The following WNT3 variants were observed in gnomAD, a reference collection of about 807,000 sequenced individuals.
The protein encoded by WNT3 is Wnt family member 3.
A neutral mutation model predicts 34.2 loss-of-function variants in WNT3; 7 were observed. The ratio of observed to expected loss-of-function variants is 0.20; its 90% CI spans 0.12 to 0.38. The LOEUF (loss-of-function observed/expected upper bound fraction) is 0.38. WNT3 is among the 10% of genes least tolerant of loss of function. WNT3 has a pLI of 1.00. For synonymous variants in WNT3, 212 were observed against 211.5 expected, an observed-to-expected ratio of 1.00 and a Z score of -0.02; for missense variants, 267 against 499.8, an observed-to-expected ratio of 0.53 and a Z score of 4.44.
chr17:46,769,351 G>A (rs1253615755), intron 3 of WNT3, among the ~76,000 whole-genome samples: 6 of 151,334 alleles, frequency 4.0e-5, no homozygotes, highest in Non-Finnish European at 7.4e-5. Flanking sequence ...AAAGAAAAAA[G>A]AAATAGGAGT....
intron 1 of WNT3, among the ~76,000 whole-genome samples, chr17:46,794,436 A>G (rs910178552): frequency 6.6e-6 from 1 of 152,174 alleles, no homozygotes; most frequent in African/African-American, 2.4e-5. Flanking sequence ...CTTGGGGGTC[A>G]TCTGGTCCAG....
At chr17:46,769,107 AG>A (rs1425380101) in intron 3 of WNT3, among the ~76,000 whole-genome samples, 1 of 152,206 alleles carries the variant, frequency 6.6e-6, no homozygotes, top group Non-Finnish European at 1.5e-5. Flanking sequence ...ACCTGAAGTC[AG>A]GAGTTTGAGA....
intron 1 of WNT3, among the ~76,000 whole-genome samples, chr17:46,797,182 T>C (rs2084064983): frequency 6.6e-6 from 1 of 152,188 alleles, no homozygotes; most frequent in South Asian, 2.1e-4. Context: ...GTGGCGATTC[T>C]TAAGTTTATT....
chr17:46,788,656 A>G (rs1426083596), intron 1 of WNT3, among the ~76,000 whole-genome samples: 1 of 152,186 alleles, frequency 6.6e-6, no homozygotes, highest in Non-Finnish European at 1.5e-5. Flanking sequence ...GACTCCATTG[A>G]TGGTGAGTTT....
At position 46,784,460 on chromosome 17, in the gene WNT3, ACACGGTGGGAGGACACTGAGCGT is replaced by A. The variant is rs1235479635; in HGVS notation, c.81-10574_81-10552del. ...TTTAGGCCCCATCTTGGCTGTGGGCACACGGTGGGAGGACACTGAGCGTCACGGTGGGAGCATTGATGCCATAT... is the reference window on the plus strand; with the variant it reads ...TTTAGGCCCCATCTTGGCTGTGGGCACACGGTGGGAGCATTGATGCCATAT... On this transcript the variant is annotated intron_variant, in intron 1 of 4. Transcript: ENST00000225512. Among the ~76,000 whole-genome samples the A allele has an allele frequency of 3.9e-5, 6 of 152,116 alleles. No homozygotes were observed. The Middle Eastern group carries it at 0.01, about 259-fold the overall frequency.
At chr17:46,781,412 C>CAA (rs58042041) in intron 1 of WNT3, among the ~76,000 whole-genome samples, 1 of 111,932 alleles carries the variant, frequency 8.9e-6, no homozygotes, top group Non-Finnish European at 1.9e-5. Flanking sequence ...GACTCTGTCT[C>CAA]AAAAAAAAAA....
At chr17:46,808,613 T>C (rs2084227856) in intron 1 of WNT3, among the ~76,000 whole-genome samples, 1 of 152,176 alleles carries the variant, frequency 6.6e-6, no homozygotes. Context: ...TAAATCATGA[T>C]GTCTGCATGG....
At chr17:46,806,207 CTTTTTTTTTT>C (rs10549860) in intron 1 of WNT3, among the ~76,000 whole-genome samples, 5 of 75,660 alleles carry the variant, frequency 6.6e-5, no homozygotes, top group African/African-American at 2.6e-4. Flanking sequence ...TTTTCTTTTC[CTTTTTTTTTT>C]TTTTTTTTTT....
At chr17:46,767,359 C>CT (rs530980284) in intron 4 of WNT3, among the ~76,000 whole-genome samples, 157 of 152,336 alleles carry the variant, frequency 1.0e-3, no homozygotes, top group Middle Eastern at 3.4e-3. Flanking sequence ...AGCTTCAGAT[C>CT]TGTCAGGATA....
At chr17:46,771,910 G>T (rs2146381067) in intron 2 of WNT3, among the ~76,000 whole-genome samples, 1 of 142,330 alleles carries the variant, frequency 7.0e-6, no homozygotes, top group South Asian at 2.1e-4. Flanking sequence ...GCCCCCGCCT[G>T]GGGAAGCGCC....
At chr17:46,804,262 A>G (rs938541669) in intron 1 of WNT3, among the ~76,000 whole-genome samples, 16 of 151,594 alleles carry the variant, frequency 1.1e-4, no homozygotes, top group Non-Finnish European at 2.1e-4. Context: ...TAATTTTTGT[A>G]TTTTTAGTAG....
At chr17:46,818,436 G>T in intron 1 of WNT3, 82 bp downstream of exon 1, 2 of 1,401,724 alleles carry the variant, frequency 1.4e-6, no homozygotes, top group Non-Finnish European at 2.0e-6. Flanking sequence ...GCCCTGCAGC[G>T]GCCCACCCCC....
chr17:46,773,227 C>A (rs1253996672), intron 2 of WNT3, among the ~76,000 whole-genome samples: 4 of 152,124 alleles, frequency 2.6e-5, no homozygotes, highest in Non-Finnish European at 2.9e-5. Flanking sequence ...CCTAGAGGGG[C>A]TCTTGGGGGC....
chr17:46,818,465 C>A lies in WNT3; in HGVS notation c.80+53G>T, dbSNP rs191214630. 0.012 allele frequency: 18,059 copies of A among 1,555,342 alleles called. 131 individuals are homozygous for A. Among genetic ancestry groups the A allele is most frequent in the Non-Finnish European group, 0.013 (14,615 of 1,147,774 alleles). On this transcript the variant is annotated intron_variant, in intron 1 of 4. Transcript: ENST00000225512. ...CACCCCCAGCCGGCGCCCCCACCTTCCCCGGACGCGGCGGAGAAACCGGGC... is the reference window on the plus strand; with the variant it reads ...CACCCCCAGCCGGCGCCCCCACCTTACCCGGACGCGGCGGAGAAACCGGGC...
At chr17:46,792,547 T>C (rs1201999311) in intron 1 of WNT3, among the ~76,000 whole-genome samples, 1 of 152,144 alleles carries the variant, frequency 6.6e-6, no homozygotes, top group African/African-American at 2.4e-5. Flanking sequence ...CGTGTTGGTT[T>C]ACTGCAACCT....
intron 1 of WNT3, among the ~76,000 whole-genome samples, chr17:46,779,141 G>C (rs2059439625): frequency 6.8e-6 from 1 of 146,762 alleles, no homozygotes; most frequent in Admixed American, 6.9e-5. Flanking sequence ...CCGGGCACAT[G>C]CTAGGTATTC....
At chr17:46,798,573 C>T (rs765361006) in intron 1 of WNT3, among the ~76,000 whole-genome samples, 11 of 152,214 alleles carry the variant, frequency 7.2e-5, no homozygotes, top group African/African-American at 2.4e-4. Flanking sequence ...AGCCCTCTCT[C>T]GCCTAAAGGT....
intron 1 of WNT3, among the ~76,000 whole-genome samples, chr17:46,807,407 G>C (rs188169238): frequency 1.3e-5 from 2 of 152,112 alleles, no homozygotes; most frequent in African/African-American, 4.8e-5. Context: ...GCTTGAACCC[G>C]GGAGGCGGAG....
chr17:46,783,989 G>A (rs541455045), intron 1 of WNT3, among the ~76,000 whole-genome samples: 23 of 152,292 alleles, frequency 1.5e-4, no homozygotes, highest in African/African-American at 9.6e-5. Flanking sequence ...CGGGGTTGAC[G>A]TGGATGCTAA....
Sources: allele counts gnomAD v4.1 joint callset (sites outside exome capture counted in the v4.1 genomes callset), GRCh38; gene constraint gnomAD v4.1.1; transcripts MANE v1.5; gene names NCBI Gene and HGNC (gene_info 2026-07-23, HGNC 2026-07-21).